Variants in DOCK1 observed in about 807,000 individuals in gnomAD.
The protein encoded by DOCK1 is dedicator of cytokinesis protein 1.
A neutral mutation model predicts 262.7 loss-of-function variants in DOCK1; 138 were observed. The observed-to-expected ratio is 0.53, with a 90% CI of 0.46 to 0.61. DOCK1 has a LOEUF of 0.61. Among genes scored for constraint, DOCK1 ranks in the 20% least tolerant of loss-of-function variants. The pLI is 0.00. For synonymous variants in DOCK1, 866 were observed against 867.4 expected, an observed-to-expected ratio of 1.00 and a Z score of 0.03; for missense variants, 1,908 against 2,370.7, an observed-to-expected ratio of 0.80 and a Z score of 4.05.
chr10:127,363,054 C>CACAT (rs57628351), intron 33 of DOCK1, among the ~76,000 whole-genome samples: 3 of 58,870 alleles, frequency 5.1e-5, no homozygotes, highest in Admixed American at 1.7e-4. Flanking sequence ...CACACACACA[C>CACAT]GTACATCCCC....
In DOCK1 at chr10:127,339,733, G is replaced by GTGTGCGCA. The variant is rs71032552; in HGVS notation, c.3123+651_3123+652insTGCGCATG. Among the ~76,000 whole-genome samples, 54 of 109,336 alleles carry GTGTGCGCA rather than the reference G, an allele frequency of 4.9e-4. 2 individuals carry two copies. In the South Asian group the frequency reaches 6.9e-3, roughly 14 times the overall value. 71.7% of individuals were successfully genotyped at this position (109,336 alleles called of 152,430 possible). On this transcript the variant is annotated intron_variant, in intron 30 of 51. Transcript: ENST00000623213. ...TGTGTGTGTGTGTGTGTGTGTGTGT[G>GTGTGCGCA]TGCATGCTGTAAGGATTGATTTTGC... is the stretch of plus-strand genomic sequence containing the variant.
chr10:126,958,065 A>C (rs1347624275), intron 1 of DOCK1, among the ~76,000 whole-genome samples: 9 of 152,120 alleles, frequency 5.9e-5, no homozygotes, highest in Admixed American at 5.2e-4. Context: ...TTTGGGAGAA[A>C]AATCTCCTAG....
Position 127,439,086 on chromosome 10 carries a change from A to G in DOCK1, c.5120A>G (p.Asp1707Gly), listed in dbSNP as rs1182341810. 6.4e-7 allele frequency: 1 copy of G among 1,563,516 alleles called. No individual in the cohort carries two copies. Among genetic ancestry groups the G allele is most frequent in the Non-Finnish European group, 8.7e-7 (1 of 1,153,586 alleles). The part of the protein sequence containing the change: ...KMHSRSQDKL[D>G]KDDLEKEKKD... ...CACTCCAGGTCCCAGGACAAGCTGG[A>G]CAAGGATGACCTGGAGAAGGAGAAG... Residue 1707 changes from aspartate to glycine, a missense_variant, in exon 49 of 52, where the codon GAC (aspartate) becomes GGC (glycine). Coordinates refer to ENST00000623213, the MANE Select transcript of DOCK1 (RefSeq NM_001290223.2).
At chr10:127,330,899 G>A (rs925122429) in intron 29 of DOCK1, among the ~76,000 whole-genome samples, 10 of 152,226 alleles carry the variant, frequency 6.6e-5, no homozygotes, top group Non-Finnish European at 1.2e-4. Flanking sequence ...GATGACCCAA[G>A]GGTGGAGGTT....
At chr10:127,125,066 G>A (rs1322199149) in intron 25 of DOCK1, among the ~76,000 whole-genome samples, 1 of 151,702 alleles carries the variant, frequency 6.6e-6, no homozygotes, top group African/African-American at 2.4e-5. Context: ...GCAGTGAGCC[G>A]AGATCACACC....
chr10:127,218,122 A>C (rs2134407123), intron 27 of DOCK1, among the ~76,000 whole-genome samples: 1 of 152,372 alleles, frequency 6.6e-6, no homozygotes, highest in East Asian at 1.9e-4. Context: ...AATTGTGGAA[A>C]GTAATTAATC....
intron 29 of DOCK1, among the ~76,000 whole-genome samples, chr10:127,328,826 C>A (rs2062854043): frequency 6.6e-6 from 1 of 152,030 alleles, no homozygotes. Flanking sequence ...GAAACTGAGT[C>A]ACACCAATGG....
chr10:126,999,270 TATTA>T, intron 8 of DOCK1, 80 bp from the exon 9 acceptor site: 2 of 1,019,232 alleles, frequency 2.0e-6, no homozygotes, highest in South Asian at 1.4e-5. Flanking sequence ...ACGTACATGG[TATTA>T]ATTATGAAGC....
intron 12 of DOCK1, among the ~76,000 whole-genome samples, chr10:127,017,689 G>A (rs539806877): frequency 1.0e-3 from 156 of 152,320 alleles, no homozygotes; most frequent in Middle Eastern, 3.4e-3. Flanking sequence ...GGCAGATGAG[G>A]CCCTACCAAG....
chr10:127,321,515 C>T (rs749634732), intron 29 of DOCK1, among the ~76,000 whole-genome samples: 7 of 151,628 alleles, frequency 4.6e-5, no homozygotes, highest in Middle Eastern at 3.4e-3. Context: ...AGATTGAGTA[C>T]AAAATGTACC....
At chr10:127,076,735 T>C (rs2046579962) in intron 23 of DOCK1, among the ~76,000 whole-genome samples, 1 of 152,044 alleles carries the variant, frequency 6.6e-6, no homozygotes, top group Non-Finnish European at 1.5e-5. Flanking sequence ...AACCCAAGAC[T>C]CCATTCCAGG....
At chr10:127,443,538 G>A (rs2070330052) in intron 49 of DOCK1, among the ~76,000 whole-genome samples, 1 of 152,074 alleles carries the variant, frequency 6.6e-6, no homozygotes, top group South Asian at 2.1e-4. Context: ...CCTAGTTCCT[G>A]CCCAGGTTTG....
intron 27 of DOCK1, among the ~76,000 whole-genome samples, chr10:127,235,200 A>G (rs1440047463): frequency 6.6e-6 from 1 of 151,848 alleles, no homozygotes; most frequent in African/African-American, 2.4e-5. Flanking sequence ...TTATATAGTA[A>G]CATCCATTCT....
At position 126,949,469 on chromosome 10, in the gene DOCK1, G is replaced by A. The variant is rs924334848; in HGVS notation, c.47-21233G>A. 3.0e-4 allele frequency among the ~76,000 whole-genome samples: 46 copies of A among 152,226 alleles called. 1 individual carries two copies. The highest frequency in any genetic ancestry group is 3.9e-4 in the Admixed American group (6 of 15,292). ...AGTCCAAAGTGGGTAGGTGTGTGAGGGAGGGTTGGTCCTATGATGAGACCC... is the reference window on the plus strand; with the variant it reads ...AGTCCAAAGTGGGTAGGTGTGTGAGAGAGGGTTGGTCCTATGATGAGACCC... On this transcript the variant is annotated intron_variant, in intron 1 of 51. Coordinates refer to ENST00000623213, the MANE Select transcript of DOCK1 (RefSeq NM_001290223.2).
At chr10:127,019,158 G>A (rs534099170) in intron 13 of DOCK1, among the ~76,000 whole-genome samples, 4 of 152,276 alleles carry the variant, frequency 2.6e-5, no homozygotes, top group South Asian at 2.1e-4. Flanking sequence ...GCTGCCCATT[G>A]TGAAGCCCAC....
intron 23 of DOCK1, among the ~76,000 whole-genome samples, chr10:127,068,527 C>T (rs2046011405): frequency 6.6e-6 from 1 of 152,032 alleles, no homozygotes. Flanking sequence ...TTGCATTAAA[C>T]AAAGCAGCCA....
At chr10:127,274,131 T>C (rs1392399576) in intron 29 of DOCK1, among the ~76,000 whole-genome samples, 3 of 152,064 alleles carry the variant, frequency 2.0e-5, no homozygotes, top group Admixed American at 6.6e-5. Flanking sequence ...AAAAAGTGCA[T>C]GATGAAGTGA....
At chr10:127,140,921 A>T (rs2051178874) in intron 27 of DOCK1, among the ~76,000 whole-genome samples, 1 of 152,172 alleles carries the variant, frequency 6.6e-6, no homozygotes. Context: ...GCTTGTTCAG[A>T]TAGTGCCTGG....
intron 2 of DOCK1, among the ~76,000 whole-genome samples, chr10:126,973,509 A>G (rs962532757): frequency 1.3e-5 from 2 of 152,158 alleles, no homozygotes; most frequent in African/African-American, 2.4e-5. Flanking sequence ...ACATCATGAT[A>G]AGAGATCTAC....
Sources: gnomAD v4.1 joint callset for allele counts (sites outside exome capture counted in the v4.1 genomes callset) on GRCh38, gnomAD v4.1.1 for gene constraint, MANE v1.5 for transcripts, NCBI Gene and HGNC (gene_info 2026-07-23, HGNC 2026-07-21) for gene names.